Variants in CC2D2A observed in about 807,000 individuals in gnomAD.
CC2D2A encodes coiled-coil and C2 domain-containing protein 2A.
CC2D2A carries 155 observed loss-of-function variants against 212.9 expected under a neutral mutation model. That is an observed-to-expected ratio of 0.73 (90% confidence interval 0.64 to 0.83). The LOEUF (loss-of-function observed/expected upper bound fraction) is 0.83. CC2D2A is among the 40% of genes least tolerant of loss of function. The pLI is 0.00. For synonymous variants in CC2D2A, 667 were observed against 686.5 expected, an observed-to-expected ratio of 0.97 and a Z score of 0.44; for missense variants, 1,856 against 1,956.2, an observed-to-expected ratio of 0.95 and a Z score of 0.97.
intron 3 of CC2D2A, among the ~76,000 whole-genome samples, chr4:15,479,642 C>T (rs1448817789): frequency 6.6e-6 from 1 of 152,154 alleles, no homozygotes; most frequent in African/African-American, 2.4e-5. Context: ...TACTGCCTGG[C>T]CACGTGGGCT....
intron 20 of CC2D2A, among the ~76,000 whole-genome samples, chr4:15,556,196 T>C (rs1719271551): frequency 6.6e-6 from 1 of 152,192 alleles, no homozygotes; most frequent in Non-Finnish European, 1.5e-5. Flanking sequence ...CACAAAGCCA[T>C]AATAAACAAG....
intron 18 of CC2D2A, among the ~76,000 whole-genome samples, chr4:15,551,428 C>T (rs1719002487): frequency 6.6e-6 from 1 of 152,108 alleles, no homozygotes. Flanking sequence ...TGGATCTTCT[C>T]ACTCCTTCCT....
At chr4:15,587,544 GA>G (rs1560195516) in intron 31 of CC2D2A, among the ~76,000 whole-genome samples, 1 of 152,078 alleles carries the variant, frequency 6.6e-6, no homozygotes, top group African/African-American at 2.4e-5. Flanking sequence ...AAATAAAAAC[GA>G]AACTTTGAAA....
In CC2D2A at chr4:15,483,880, T is replaced by C. The variant is rs185337034; in HGVS notation, c.247+3053T>C. Among the ~76,000 whole-genome samples, 873 of 152,300 alleles carry C rather than the reference T, an allele frequency of 5.7e-3. 7 individuals are homozygous for C. Among genetic ancestry groups the C allele is most frequent in the African/African-American group, 0.02 (843 of 41,552 alleles). ...ATTAAGCTTGTGATTGAAACACAAT[T>C]GAGCTGTTGCAGTTAAGACCATGGG... On this transcript the variant is annotated intron_variant, in intron 4 of 36. Coordinates refer to ENST00000424120, the MANE Select transcript of CC2D2A (RefSeq NM_001378615.1).
chr4:15,506,842 G>T (rs1268486783), intron 6 of CC2D2A, among the ~76,000 whole-genome samples: 1 of 152,008 alleles, frequency 6.6e-6, no homozygotes, highest in Non-Finnish European at 1.5e-5. Flanking sequence ...GGGAGGCTGA[G>T]GCGGGCGGAT....
intron 4 of CC2D2A, among the ~76,000 whole-genome samples, chr4:15,500,095 G>GTATATA (rs1423059192): frequency 1.9e-5 from 1 of 52,576 alleles, no homozygotes; most frequent in Non-Finnish European, 5.0e-5. Flanking sequence ...GTGTGTGTGT[G>GTATATA]TGTGTGTGTG....
intron 17 of CC2D2A, among the ~76,000 whole-genome samples, chr4:15,547,760 G>A (rs969675458): frequency 1.3e-5 from 2 of 152,128 alleles, no homozygotes; most frequent in African/African-American, 4.8e-5. Context: ...GAACTTCTGG[G>A]CCAGGTACGG....
In CC2D2A at chr4:15,478,855, C is replaced by T. The variant is rs1206373248; in HGVS notation, c.123+49C>T. On this transcript the variant is annotated intron_variant, in intron 3 of 36. Transcript: ENST00000424120. ...TCTGCGTATTGTCATTGATCAACAACCCGCCTGCATCCCCAGGGCCATACA... is the reference window on the plus strand; with the variant it reads ...TCTGCGTATTGTCATTGATCAACAATCCGCCTGCATCCCCAGGGCCATACA... The T allele has an allele frequency of 7.8e-6, 11 of 1,403,702 alleles. No homozygotes were observed. The East Asian group carries it at 2.2e-4, about 28-fold the overall frequency. The allele number at this position is 1,403,702 out of a possible 1,614,324, so 87.0% of individuals were successfully genotyped here.
chr4:15,486,269 G>T (rs1714994280), intron 4 of CC2D2A, among the ~76,000 whole-genome samples: 1 of 152,066 alleles, frequency 6.6e-6, no homozygotes, highest in South Asian at 2.1e-4. Flanking sequence ...ATTCAGCAGG[G>T]TAGCCATCAG....
intron 7 of CC2D2A, 26 bp downstream of exon 7, chr4:15,510,266 ATTTG>A (rs779236305): frequency 1.8e-5 from 29 of 1,586,674 alleles, no homozygotes; most frequent in African/African-American, 4.0e-5. Flanking sequence ...TTTTAAAATC[ATTTG>A]TTTGTTTGTG....
At chr4:15,479,118 G>C in intron 3 of CC2D2A, 1 of 824,570 alleles carries the variant, frequency 1.2e-6, no homozygotes, top group East Asian at 2.6e-5. Flanking sequence ...GTGCTTCATT[G>C]AAGGCCATGG....
Position 15,553,220 on chromosome 4 carries a change from G to C in CC2D2A, c.2401G>C (p.Val801Leu), listed in dbSNP as rs950255537. The C allele has an allele frequency of 1.9e-6, 3 of 1,612,270 alleles. No individual in the cohort carries two copies. The highest frequency in any genetic ancestry group is 4.5e-5 in the East Asian group (2 of 44,808). ...GCTGACTCTGATGACCTCAGGGAAA[G>C]TGTCTCATAGTGTGGCATGGGCCAT... ...NQLTLMTSGK[V>L]SHSVAWAIGE... Residue 801 changes from valine to leucine, a missense_variant, in exon 19 of 37, where the codon GTG becomes CTG. Val to Leu is a conservative substitution (Grantham distance 32, BLOSUM62 1). Coordinates refer to ENST00000424120, the MANE Select transcript of CC2D2A (RefSeq NM_001378615.1).
rs372449768 is a variant in CC2D2A, at chr4:15,601,470, G to C, written c.*45G>C. Reference sequence around the variant, plus strand: ...TGTATCATGTAAAAACTACACTTAGGATATGAGAAAATTTTAAATTATATG... The same window carrying C: ...TGTATCATGTAAAAACTACACTTAGCATATGAGAAAATTTTAAATTATATG... On this transcript the variant is annotated 3_prime_UTR_variant, in exon 37 of 37. Coordinates refer to ENST00000424120, the MANE Select transcript of CC2D2A (RefSeq NM_001378615.1). 9.3e-4 allele frequency: 1,160 copies of C among 1,245,532 alleles called. 3 individuals are homozygous for C. The highest frequency in any genetic ancestry group is 1.1e-3 in the Non-Finnish European group (984 of 936,570). The allele number at this position is 1,245,532 out of a possible 1,614,324, so 77.2% of individuals were successfully genotyped here.
intron 33 of CC2D2A, among the ~76,000 whole-genome samples, chr4:15,590,263 C>T (rs1560196779): frequency 6.6e-6 from 1 of 152,124 alleles, no homozygotes; most frequent in Non-Finnish European, 1.5e-5. Context: ...GCCTGTAATC[C>T]CAGCACTTTG....
At chr4:15,470,211 T>C (rs573640371) in intron 1 of CC2D2A, 154 bp downstream of exon 1, 4 of 152,330 alleles carry the variant, frequency 2.6e-5, no homozygotes, top group African/African-American at 9.6e-5. Context: ...TTTTACTTTC[T>C]GAAATGGGAA....
intron 2 of CC2D2A, among the ~76,000 whole-genome samples, chr4:15,478,354 G>C (rs1477035688): frequency 6.6e-6 from 1 of 152,198 alleles, no homozygotes; most frequent in Non-Finnish European, 1.5e-5. Context: ...AGATTCACTT[G>C]TTAGTCGCCT....
At chr4:15,479,451 T>C in intron 3 of CC2D2A, 1 of 799,650 alleles carries the variant, frequency 1.3e-6, no homozygotes, top group South Asian at 1.5e-5. Context: ...AAGCGCCATT[T>C]TGAGCCAGCA....
chr4:15,473,672 G>A (rs943106739), intron 1 of CC2D2A, among the ~76,000 whole-genome samples: 1 of 152,166 alleles, frequency 6.6e-6, no homozygotes, highest in South Asian at 2.1e-4. Context: ...CAGCAATGTG[G>A]CAAGCTGAGA....
intron 27 of CC2D2A, among the ~76,000 whole-genome samples, chr4:15,570,172 G>A (rs1720091915): frequency 6.6e-6 from 1 of 152,194 alleles, no homozygotes; most frequent in African/African-American, 2.4e-5. Flanking sequence ...TAATCCTATA[G>A]ATTGTTAAAT....
Sources: gnomAD v4.1 joint callset for allele counts (sites outside exome capture counted in the v4.1 genomes callset) on GRCh38, gnomAD v4.1.1 for gene constraint, MANE v1.5 for transcripts, NCBI Gene and HGNC (gene_info 2026-07-23, HGNC 2026-07-21) for gene names.